GRAMD2B: variants seen among roughly 807,000 people sequenced by gnomAD.
The protein encoded by GRAMD2B is GRAM domain containing 2B.
In GRAMD2B, 41 loss-of-function variants were observed where a neutral mutation model predicts 59.2. The ratio of observed to expected loss-of-function variants is 0.69; its 90% CI spans 0.54 to 0.90. GRAMD2B has a LOEUF of 0.90. Among genes scored for constraint, GRAMD2B ranks in the 40% least tolerant of loss-of-function variants. The pLI, the probability that GRAMD2B is intolerant of heterozygous loss-of-function variation, is 0.00. For missense variants in GRAMD2B, 424 were observed against 500.5 expected (o/e 0.85, Z 1.46); for synonymous variants, 161 against 182.7 (o/e 0.88, Z 0.96).
At chr5:126,374,356 T>C (rs898902990) in intron 1 of GRAMD2B, among the ~76,000 whole-genome samples, 2 of 152,206 alleles carry the variant, frequency 1.3e-5, no homozygotes, top group Admixed American at 1.3e-4. Flanking sequence ...CTTTTTTTGT[T>C]TTCTCTTCTA....
At chr5:126,423,079 G>A, upstream of GRAMD2B, 2 of 776,416 alleles carry the variant, frequency 2.6e-6, no homozygotes, top group Non-Finnish European at 3.1e-6. Flanking sequence ...TTAGGATGGG[G>A]CATAGGCCAG....
At chr5:126,438,626 G>A (rs1328271834) in intron 1 of GRAMD2B, among the ~76,000 whole-genome samples, 3 of 152,110 alleles carry the variant, frequency 2.0e-5, no homozygotes, top group African/African-American at 7.2e-5. Context: ...AATAAAACAG[G>A]ATGTCTAGGC....
At chr5:126,436,415 G>A (rs900853385) in intron 1 of GRAMD2B, among the ~76,000 whole-genome samples, 10 of 152,108 alleles carry the variant, frequency 6.6e-5, no homozygotes, top group East Asian at 1.9e-4. Flanking sequence ...TTGGGAGGCC[G>A]AGATGGGAGG....
At chr5:126,401,630 A>C (rs1235388550) in intron 1 of GRAMD2B, among the ~76,000 whole-genome samples, 2 of 152,032 alleles carry the variant, frequency 1.3e-5, no homozygotes, top group Non-Finnish European at 2.9e-5. Context: ...CCAAGCTAGA[A>C]ATTTGCAGGG....
chr5:126,404,248 G>A (rs764912821), intron 1 of GRAMD2B, among the ~76,000 whole-genome samples: 1 of 151,880 alleles, frequency 6.6e-6, no homozygotes, highest in African/African-American at 2.4e-5. Context: ...GAGGGAAAAT[G>A]TCAAGGAAAG....
At chr5:126,467,363 G>A (rs1768648392) in intron 2 of GRAMD2B, 1 of 151,262 alleles carries the variant, frequency 6.6e-6, no homozygotes, top group African/African-American at 2.4e-5. Flanking sequence ...TTTTGCACTG[G>A]GCTTCTTGTC....
At chr5:126,406,252 G>C (rs1284654659) in intron 1 of GRAMD2B, among the ~76,000 whole-genome samples, 1 of 151,860 alleles carries the variant, frequency 6.6e-6, no homozygotes, top group East Asian at 1.9e-4. Context: ...TATACCTAAT[G>C]TTAAATGACG....
chr5:126,484,583 A>AC lies in GRAMD2B; in HGVS notation c.970+60dup. ...GAAGGATTGGAGATGTCTGTTTGTA[A>AC]CTTTTTTTTTTTTTTTAGACAGCAT... On this transcript the variant is annotated intron_variant, in intron 10 of 13. Coordinates refer to ENST00000285689, the MANE Select transcript of GRAMD2B (RefSeq NM_023927.4). 5 of 1,498,316 alleles carry AC rather than the reference A, an allele frequency of 3.3e-6. No homozygotes were observed. The South Asian group carries it at 4.1e-5, about 12-fold the overall frequency. 92.8% of individuals were successfully genotyped at this position (1,498,316 alleles called of 1,614,324 possible). A position where few individuals can be genotyped will look rare whatever the true frequency, so the allele number is the denominator to read the frequency against.
chr5:126,419,480 C>A (rs985201179), upstream of GRAMD2B, among the ~76,000 whole-genome samples: 7 of 152,146 alleles, frequency 4.6e-5, no homozygotes, highest in African/African-American at 1.7e-4. Flanking sequence ...CTCCAACACT[C>A]GGGATCCCAA....
At chr5:126,407,478 G>A (rs1021548348) in intron 1 of GRAMD2B, among the ~76,000 whole-genome samples, 2 of 151,946 alleles carry the variant, frequency 1.3e-5, no homozygotes, top group Non-Finnish European at 2.9e-5. Context: ...GTTCGGGGTG[G>A]CAAAAGCATC....
At chr5:126,468,156 T>C (rs1581175012) in intron 2 of GRAMD2B, among the ~76,000 whole-genome samples, 2 of 152,222 alleles carry the variant, frequency 1.3e-5, no homozygotes, top group Admixed American at 6.5e-5. Context: ...AAATCATCTA[T>C]GCATTCTACT....
chr5:126,446,099 G>GT (rs1482745273), intron 1 of GRAMD2B, among the ~76,000 whole-genome samples: 4 of 152,154 alleles, frequency 2.6e-5, no homozygotes, highest in African/African-American at 9.7e-5. Context: ...TGTGCTAATA[G>GT]TTTCCCTGAA....
At chr5:126,455,566 A>G (rs1375221432) in intron 1 of GRAMD2B, among the ~76,000 whole-genome samples, 1 of 152,142 alleles carries the variant, frequency 6.6e-6, no homozygotes. Flanking sequence ...ACAAATCTCA[A>G]TCCTTCCACA....
intron 3 of GRAMD2B, among the ~76,000 whole-genome samples, chr5:126,471,660 A>T (rs1769607808): frequency 6.6e-6 from 1 of 152,158 alleles, no homozygotes; most frequent in African/African-American, 2.4e-5. Context: ...ATGTTGCCTT[A>T]GACTATAGGT....
chr5:126,449,921 G>C (rs77959444), intron 1 of GRAMD2B, among the ~76,000 whole-genome samples: 2 of 152,094 alleles, frequency 1.3e-5, no homozygotes. Context: ...GACTGAGGAA[G>C]TAGCAATGCA....
chr5:126,381,525 G>A (rs1045157144), intron 1 of GRAMD2B, among the ~76,000 whole-genome samples: 1 of 152,092 alleles, frequency 6.6e-6, no homozygotes, highest in Non-Finnish European at 1.5e-5. Context: ...TACTTTTGGT[G>A]TCCATTTGCA....
intron 1 of GRAMD2B, among the ~76,000 whole-genome samples, chr5:126,427,836 A>G (rs1319598504): frequency 6.6e-6 from 1 of 152,232 alleles, no homozygotes; most frequent in Non-Finnish European, 1.5e-5. Context: ...TCAGTTTCTT[A>G]GTGCTTACTT....
At chr5:126,408,689 C>CTTTTTTT (rs34569546) in intron 1 of GRAMD2B, among the ~76,000 whole-genome samples, 1 of 145,784 alleles carries the variant, frequency 6.9e-6, no homozygotes, top group Non-Finnish European at 1.5e-5. Flanking sequence ...GCCTGAGACT[C>CTTTTTTT]TTTTTTTTTT....
At chr5:126,422,199 A>ATTTT (rs11293263), upstream of GRAMD2B, among the ~76,000 whole-genome samples, 49 of 143,984 alleles carry the variant, frequency 3.4e-4, no homozygotes, top group Non-Finnish European at 5.3e-4. Flanking sequence ...TTATGCACGG[A>ATTTT]TTTTTTTTTT....
Sources: gnomAD v4.1 joint callset for allele counts (sites outside exome capture counted in the v4.1 genomes callset) on GRCh38, gnomAD v4.1.1 for gene constraint, MANE v1.5 for transcripts, NCBI Gene and HGNC (gene_info 2026-07-23, HGNC 2026-07-21) for gene names.